Variants in CASP9 observed in about 807,000 individuals in gnomAD.
CASP9 encodes the protein caspase 9.
Under a neutral mutation model 43.5 loss-of-function variants are expected in CASP9, and 29 were observed. That is an observed-to-expected ratio of 0.67 (90% confidence interval 0.50 to 0.91). CASP9 has a LOEUF of 0.91. Among genes scored for constraint, CASP9 ranks in the 40% least tolerant of loss-of-function variants. CASP9 has a pLI of 0.00. For synonymous variants in CASP9, 206 were observed against 211.9 expected (o/e 0.97, Z 0.24); for missense variants, 575 against 537.4 (o/e 1.07, Z -0.69).
intron 2 of CASP9, among the ~76,000 whole-genome samples, chr1:15,513,564 T>C (rs982976675): frequency 3.3e-5 from 5 of 152,154 alleles, no homozygotes; most frequent in Non-Finnish European, 5.9e-5. Flanking sequence ...TTCAGCTTCA[T>C]AGCACTACCC....
At position 15,504,607 on chromosome 1, in the gene CASP9, T is replaced by C. The variant is rs374645295; in HGVS notation, c.868+4A>G. 2 of 1,610,776 alleles carry C rather than the reference T, an allele frequency of 1.2e-6. No homozygotes were observed. Among genetic ancestry groups the C allele is most frequent in the African/African-American group, 2.7e-5 (2 of 74,948 alleles). The stretch of plus-strand genomic sequence containing the variant: ...ACCCAGAGGGAGGCTGAGGAGCTGC[T>C]TACCCCCACCACAGGCCTGGATGAA... On this transcript the variant is annotated splice_donor_region_variant and intron_variant, in intron 6 of 8. Coordinates refer to ENST00000333868, the MANE Select transcript of CASP9 (RefSeq NM_001229.5).
At chr1:15,524,447 C>G (rs1301629839), upstream of CASP9, 9 of 1,115,890 alleles carry the variant, frequency 8.1e-6, no homozygotes, top group Admixed American at 6.5e-5. Context: ...CAGGGCCAAG[C>G]CTCCCATCAC....
intron 1 of CASP9, among the ~76,000 whole-genome samples, chr1:15,518,722 G>A (rs1289725258): frequency 6.6e-6 from 1 of 152,216 alleles, no homozygotes; most frequent in East Asian, 1.9e-4. Context: ...AAGCACATGG[G>A]GCTGAGGATA....
chr1:15,509,112 C>T (rs1054854856), intron 2 of CASP9, among the ~76,000 whole-genome samples: 2 of 152,220 alleles, frequency 1.3e-5, no homozygotes, highest in African/African-American at 4.8e-5. Flanking sequence ...AAACCCCTTG[C>T]ATTTCATTGC....
At chr1:15,509,619 G>C (rs1709679156) in intron 2 of CASP9, among the ~76,000 whole-genome samples, 1 of 148,868 alleles carries the variant, frequency 6.7e-6, no homozygotes, top group Non-Finnish European at 1.5e-5. Flanking sequence ...TGGGCAACAA[G>C]AGCAAAACTC....
At chr1:15,524,216 A>C (rs1405411138), upstream of CASP9, 3 of 1,538,806 alleles carry the variant, frequency 1.9e-6, no homozygotes, top group South Asian at 3.6e-5. Flanking sequence ...GTAGCCAACT[A>C]AGACTCCAGG....
In CASP9 at chr1:15,518,364, G is replaced by A. The variant is rs1319407780; in HGVS notation, c.164C>T (p.Ala55Val). The change falls in exon 2 of 9, where the codon GCC becomes GTC. Residue 55 changes from alanine (A) to valine (V), a missense_variant. Physicochemically the swap from Ala to Val is moderately conservative, Grantham distance 64. Transcript: ENST00000333868. ...CTCCAGATCTATGATCAGCTGCCTG[G>A]CCTGATCCCGCCGAGATCCAGAGCC... Reference protein sequence around the residue: ...RAGSGSRRDQARQLIIDLETR... With the variant: ...RAGSGSRRDQVRQLIIDLETR... 1.2e-6 allele frequency: 2 copies of A among 1,613,434 alleles called. No homozygotes were observed. The highest frequency in any genetic ancestry group is 1.7e-6 in the Non-Finnish European group (2 of 1,179,764).
chr1:15,501,012 T>C (rs1006557140), intron 6 of CASP9, among the ~76,000 whole-genome samples: 3 of 152,178 alleles, frequency 2.0e-5, no homozygotes, highest in Non-Finnish European at 4.4e-5. Context: ...CATGGCTTGG[T>C]TCTTGGAGAG....
At chr1:15,513,028 G>T (rs558246117) in intron 2 of CASP9, among the ~76,000 whole-genome samples, 1 of 152,104 alleles carries the variant, frequency 6.6e-6, no homozygotes, top group South Asian at 2.1e-4. Flanking sequence ...GGGCATGGTG[G>T]CAGGTGCCTG....
At position 15,495,368 on chromosome 1, in the gene CASP9, G is replaced by A. The variant is rs924901145; in HGVS notation, c.953C>T (p.Pro318Leu). 7 of 1,609,518 alleles carry A rather than the reference G, an allele frequency of 4.3e-6. No homozygotes were observed. Among genetic ancestry groups the A allele is most frequent in the East Asian group, 2.2e-5 (1 of 44,706 alleles). ...GAAGGTCCTCAAACCTTCCTGGAAC[G>A]GGGTGGCATCTGGCTCGGGGTTACT... is the stretch of plus-strand genomic sequence containing the variant. ...PGSNPEPDATPFQEGLRTFDQ... is the reference protein window; with the variant it reads ...PGSNPEPDATLFQEGLRTFDQ... The change falls in exon 7 of 9, where the codon CCG (proline) becomes CTG (leucine). Residue 318 changes from proline to leucine, a missense_variant. Coordinates refer to ENST00000333868, the MANE Select transcript of CASP9 (RefSeq NM_001229.5).
intron 2 of CASP9, among the ~76,000 whole-genome samples, chr1:15,514,508 C>T (rs1003843637): frequency 1.3e-5 from 2 of 152,146 alleles, no homozygotes; most frequent in Non-Finnish European, 1.5e-5. Flanking sequence ...ATGGGACAGT[C>T]GCTCTATTAA....
intron 2 of CASP9, among the ~76,000 whole-genome samples, chr1:15,516,240 A>T (rs1709943150): frequency 6.7e-6 from 1 of 150,374 alleles, no homozygotes; most frequent in Non-Finnish European, 1.5e-5. Flanking sequence ...TAACATGCAC[A>T]GCTATCCAGG....
chr1:15,524,396 GC>G, upstream of CASP9: 1 of 1,320,252 alleles, frequency 7.6e-7, no homozygotes, highest in Non-Finnish European at 9.5e-7. Context: ...TTGCGTCACC[GC>G]CCCGCCCTCA....
chr1:15,506,761 G>C (rs549443048), intron 4 of CASP9, 138 bp downstream of exon 4: 1 of 685,444 alleles, frequency 1.5e-6, no homozygotes, highest in African/African-American at 1.8e-5. Flanking sequence ...ACCTGTAGCC[G>C]CTGGGCCGTC....
At chr1:15,493,231 A>G (rs1708959041) in intron 8 of CASP9, 196 bp from the exon 9 acceptor site, 1 of 1,411,738 alleles carries the variant, frequency 7.1e-7, no homozygotes, top group Non-Finnish European at 9.2e-7. Context: ...AAAATTTCCA[A>G]ATTCATAAAG....
intron 7 of CASP9, 93 bp from the exon 8 acceptor site, chr1:15,494,094 C>G (rs1359896045): frequency 1.3e-6 from 2 of 1,489,614 alleles, no homozygotes; most frequent in Non-Finnish European, 1.8e-6. Flanking sequence ...CTCGGGCGCC[C>G]TCCAGACCTT....
chr1:15,492,104 G>C lies in CASP9; in HGVS notation c.*839C>G, dbSNP rs1258749048. The stretch of plus-strand genomic sequence containing the variant: ...CTGGGTGCAATGGTGCACGCCTGTA[G>C]TAAGAGCTACTTGGGAGGGTCACTT... On this transcript the variant is annotated 3_prime_UTR_variant, in exon 9 of 9. Coordinates refer to ENST00000333868, the MANE Select transcript of CASP9 (RefSeq NM_001229.5). The C allele has an allele frequency of 1.3e-5, 2 of 151,840 alleles. No homozygotes were observed. Among genetic ancestry groups the C allele is most frequent in the African/African-American group, 4.8e-5 (2 of 41,292 alleles). 9.4% of individuals were successfully genotyped at this position (151,840 alleles called of 1,614,324 possible).
At chr1:15,495,476 C>T in intron 6 of CASP9, 24 bp from the exon 7 acceptor site, 9 of 1,544,090 alleles carry the variant, frequency 5.8e-6, no homozygotes, top group South Asian at 1.2e-5. Context: ...AAACAAACAC[C>T]TCTTGTCATT....
chr1:15,508,877 T>C (rs182948423), intron 2 of CASP9, among the ~76,000 whole-genome samples: 65 of 152,168 alleles, frequency 4.3e-4, no homozygotes, highest in Non-Finnish European at 7.2e-4. Context: ...TCTTCCCTTT[T>C]GTTACCACAA....
Sources: gnomAD v4.1 joint callset for allele counts (sites outside exome capture counted in the v4.1 genomes callset) on GRCh38, gnomAD v4.1.1 for gene constraint, MANE v1.5 for transcripts, NCBI Gene and HGNC (gene_info 2026-07-23, HGNC 2026-07-21) for gene names.